The following ERBB4 variants were observed in gnomAD, a reference collection of about 807,000 sequenced individuals.
The protein encoded by ERBB4 is receptor tyrosine-protein kinase erbB-4.
A neutral mutation model predicts 158.0 loss-of-function variants in ERBB4; 42 were observed. That is an observed-to-expected ratio of 0.27 (90% confidence interval 0.21 to 0.34). ERBB4 has a LOEUF of 0.34. Among genes scored for constraint, ERBB4 ranks in the 10% least tolerant of loss-of-function variants. ERBB4 has a pLI of 1.00. For synonymous variants in ERBB4, 583 were observed against 558.7 expected (o/e 1.04, Z -0.61); for missense variants, 1,333 against 1,624.1 (o/e 0.82, Z 3.08).
At chr2:211,784,108 A>G (rs2076100490) in intron 4 of ERBB4, among the ~76,000 whole-genome samples, 1 of 152,198 alleles carries the variant, frequency 6.6e-6, no homozygotes. Flanking sequence ...ACAGTTAAAA[A>G]AAGAGAACAT....
chr2:211,421,878 C>G lies in ERBB4; in HGVS notation c.2964+129G>C, dbSNP rs2063521764. On this transcript the variant is annotated intron_variant, in intron 24 of 27. Coordinates refer to ENST00000342788, the MANE Select transcript of ERBB4 (RefSeq NM_005235.3). ...AAGCTCTTTTCCATAAGTCATGTCA[C>G]ATGATAATTCTGCTTAATTAATCAA... The G allele has an allele frequency of 4.3e-6, 3 of 704,874 alleles. No homozygotes were observed. In the African/African-American group the frequency reaches 5.3e-5, roughly 12 times the overall value. 43.7% of individuals were successfully genotyped at this position (704,874 alleles called of 1,614,324 possible).
At chr2:212,133,785 C>G (rs75774100) in intron 1 of ERBB4, among the ~76,000 whole-genome samples, 3,284 of 151,598 alleles carry the variant, frequency 0.022, 122 homozygotes, top group African/African-American at 0.075. Flanking sequence ...AAAGTGGGAC[C>G]CTTTCCCTAC....
chr2:212,145,727 TAAAAAAAAA>T (rs5838300), intron 1 of ERBB4, among the ~76,000 whole-genome samples: 77 of 88,874 alleles, frequency 8.7e-4, no homozygotes, highest in African/African-American at 2.3e-3. Context: ...CAGCATGCAG[TAAAAAAAAA>T]AAAAAAAAAA....
chr2:211,677,743 G>A (rs867474602), intron 13 of ERBB4, among the ~76,000 whole-genome samples: 33 of 151,882 alleles, frequency 2.2e-4, no homozygotes, highest in African/African-American at 6.0e-4. Context: ...GCGTGGTGGC[G>A]GGCGCCTGTA....
intron 1 of ERBB4, among the ~76,000 whole-genome samples, chr2:212,312,504 C>G (rs961355625): frequency 1.1e-4 from 16 of 150,816 alleles, no homozygotes; most frequent in African/African-American, 3.6e-4. Context: ...TTTTTTCTTG[C>G]TACTGATATT....
At position 212,356,445 on chromosome 2, in the gene ERBB4, C is replaced by T. The variant is rs938570381; in HGVS notation, c.82+182004G>A. Among the ~76,000 whole-genome samples, 7 of 152,046 alleles carry T rather than the reference C, an allele frequency of 4.6e-5. No homozygotes were observed. The East Asian group carries it at 1.2e-3, about 25-fold the overall frequency. ...GTAAAAAATAAATCTGATGGCTCTACTAATGGCATAATTTGTTTTTCTCAG... is the reference window on the plus strand; with the variant it reads ...GTAAAAAATAAATCTGATGGCTCTATTAATGGCATAATTTGTTTTTCTCAG... On this transcript the variant is annotated intron_variant, in intron 1 of 27. Transcript: ENST00000342788.
chr2:212,289,839 A>C lies in ERBB4; in HGVS notation c.83-164936T>G, dbSNP rs373269170. Among the ~76,000 whole-genome samples, 8 of 152,302 alleles carry C rather than the reference A, an allele frequency of 5.3e-5. 1 individual carries two copies. Among genetic ancestry groups the C allele is most frequent in the African/African-American group, 1.9e-4 (8 of 41,570 alleles). Reference sequence around the variant, plus strand: ...ACTTAATTGCACAGAGTATTCTCAAATTATGTCATCCTGAAATCTGTCTTG... The same window carrying C: ...ACTTAATTGCACAGAGTATTCTCAACTTATGTCATCCTGAAATCTGTCTTG... On this transcript the variant is annotated intron_variant, in intron 1 of 27. Coordinates refer to ENST00000342788, the MANE Select transcript of ERBB4 (RefSeq NM_005235.3).
intron 1 of ERBB4, among the ~76,000 whole-genome samples, chr2:212,436,225 G>A (rs537933011): frequency 4.0e-5 from 6 of 151,848 alleles, no homozygotes; most frequent in South Asian, 2.1e-4. Context: ...AAAAGCAATC[G>A]GTAAGATCTT....
At chr2:211,510,567 C>T (rs1431541984) in intron 20 of ERBB4, among the ~76,000 whole-genome samples, 1 of 152,008 alleles carries the variant, frequency 6.6e-6, no homozygotes, top group Non-Finnish European at 1.5e-5. Flanking sequence ...TCTATATTTA[C>T]CTTTTTTTGA....
intron 1 of ERBB4, among the ~76,000 whole-genome samples, chr2:212,460,853 G>A (rs1688534652): frequency 6.6e-6 from 1 of 152,184 alleles, no homozygotes; most frequent in Non-Finnish European, 1.5e-5. Context: ...TGTCTCCAGG[G>A]AATGTCAGAG....
intron 2 of ERBB4, among the ~76,000 whole-genome samples, chr2:212,001,413 G>A (rs1575496912): frequency 6.6e-6 from 1 of 152,116 alleles, no homozygotes; most frequent in Admixed American, 6.5e-5. Flanking sequence ...TTTATAGGGT[G>A]TTATACTTGC....
At chr2:211,807,132 C>T (rs114474965) in intron 3 of ERBB4, among the ~76,000 whole-genome samples, 7,497 of 151,898 alleles carry the variant, frequency 0.049, 264 homozygotes, top group Non-Finnish European at 0.063. Context: ...GTAGACAAAA[C>T]AGGAGACTGT....
intron 3 of ERBB4, among the ~76,000 whole-genome samples, chr2:211,818,800 G>T (rs2076930792): frequency 6.6e-6 from 1 of 152,014 alleles, no homozygotes; most frequent in Non-Finnish European, 1.5e-5. Flanking sequence ...TGTGAGGAAT[G>T]ATATAGTCAG....
At chr2:211,424,552 T>A (rs934525452) in intron 22 of ERBB4, among the ~76,000 whole-genome samples, 1 of 152,108 alleles carries the variant, frequency 6.6e-6, no homozygotes, top group African/African-American at 2.4e-5. Flanking sequence ...ACAGTGGATG[T>A]CAGCATATAG....
rs142776470 is a variant in ERBB4, at chr2:211,826,992, A to T, written c.422-38833T>A. Among the ~76,000 whole-genome samples the T allele has an allele frequency of 1.2e-4, 18 of 152,102 alleles. No individual in the cohort carries two copies. In the East Asian group the frequency reaches 1.9e-3, roughly 16 times the overall value. ...ACATGCAGGTACACGGTTTTCAGTT[A>T]AGTTTGTGTTGGGATAAACACACAG... On this transcript the variant is annotated intron_variant, in intron 3 of 27. Coordinates refer to ENST00000342788, the MANE Select transcript of ERBB4 (RefSeq NM_005235.3).
intron 25 of ERBB4, among the ~76,000 whole-genome samples, chr2:211,414,011 G>C (rs541126862): frequency 6.6e-6 from 1 of 151,784 alleles, no homozygotes; most frequent in Admixed American, 6.6e-5. Context: ...AGTCCACTGC[G>C]GGCACGCCCA....
chr2:211,915,882 TTC>T (rs1237677769), intron 3 of ERBB4, among the ~76,000 whole-genome samples: 1 of 151,916 alleles, frequency 6.6e-6, no homozygotes, highest in East Asian at 1.9e-4. Context: ...ATCTTCTAAG[TTC>T]CAGGATTTAT....
At chr2:211,982,252 C>T (rs573141520) in intron 2 of ERBB4, among the ~76,000 whole-genome samples, 1 of 152,146 alleles carries the variant, frequency 6.6e-6, no homozygotes, top group African/African-American at 2.4e-5. Flanking sequence ...AGTAATCAAG[C>T]AATTACAACT....
Position 211,725,214 on chromosome 2 carries a change from G to C in ERBB4, c.623-20C>G, listed in dbSNP as rs765701376. 1 of 1,576,244 alleles carries C rather than the reference G, an allele frequency of 6.3e-7. No individual in the cohort carries two copies. Among genetic ancestry groups the C allele is most frequent in the Non-Finnish European group, 8.7e-7 (1 of 1,145,572 alleles). On this transcript the variant is annotated intron_variant, in intron 5 of 27. Coordinates refer to ENST00000342788, the MANE Select transcript of ERBB4 (RefSeq NM_005235.3). ...TTGTCACTGCAGAAGACAGAGATAG[G>C]ACCATGATCAAAGTCTGCCACCAGG...
Sources: allele counts gnomAD v4.1 joint callset (sites outside exome capture counted in the v4.1 genomes callset), GRCh38; gene constraint gnomAD v4.1.1; transcripts MANE v1.5; gene names NCBI Gene and HGNC (gene_info 2026-07-23, HGNC 2026-07-21).